Variants in PROX1 observed in about 807,000 individuals in gnomAD.
The protein encoded by PROX1 is prospero homeobox protein 1.
A neutral mutation model predicts 58.8 loss-of-function variants in PROX1; 7 were observed. The ratio of observed to expected loss-of-function variants is 0.12; its 90% confidence interval spans 0.07 to 0.22. PROX1 has a LOEUF of 0.22. PROX1 is among the 10% of genes least tolerant of loss of function. PROX1 has a pLI of 1.00. For synonymous variants in PROX1, 350 were observed against 358.3 expected, an observed-to-expected ratio of 0.98 and a Z score of 0.26; for missense variants, 675 against 927.8, an observed-to-expected ratio of 0.73 and a Z score of 3.54.
At chr1:213,989,899 A>C (rs1662960752) in intron 1 of PROX1, 1 of 152,196 alleles carries the variant, frequency 6.6e-6, no homozygotes, top group Non-Finnish European at 1.5e-5. Flanking sequence ...CTTAGTCTTA[A>C]ATAGCTCAAG....
chr1:214,015,967 G>T (rs1664080732), intron 4 of PROX1, among the ~76,000 whole-genome samples: 1 of 152,160 alleles, frequency 6.6e-6, no homozygotes, highest in African/African-American at 2.4e-5. Context: ...CAGGTTTGGG[G>T]ATGGAAGGCT....
At chr1:214,003,454 G>C (rs7517701) in intron 2 of PROX1, among the ~76,000 whole-genome samples, 41,856 of 151,938 alleles carry the variant, frequency 0.28, 5,938 homozygotes, top group Admixed American at 0.39. Context: ...TTCTGTATCA[G>C]TCTAATGGAG....
At chr1:214,000,890 C>T (rs1371089552) in intron 2 of PROX1, among the ~76,000 whole-genome samples, 8 of 152,260 alleles carry the variant, frequency 5.3e-5, no homozygotes, top group Non-Finnish European at 1.5e-5. Flanking sequence ...CTGGGAATCA[C>T]AGTGAGTGAT....
At chr1:213,991,721 T>C (rs74139073) in intron 1 of PROX1, among the ~76,000 whole-genome samples, 2,507 of 152,356 alleles carry the variant, frequency 0.016, 70 homozygotes, top group African/African-American at 0.056. Flanking sequence ...TGGCTTATTC[T>C]GTAAGTTGCC....
chr1:214,025,952 G>A (rs907157186), intron 4 of PROX1, among the ~76,000 whole-genome samples: 3 of 152,044 alleles, frequency 2.0e-5, no homozygotes, highest in Non-Finnish European at 4.4e-5. Flanking sequence ...GTGAGCCACC[G>A]CACCCGGCCA....
intron 2 of PROX1, 70 bp from the exon 3 acceptor site, chr1:214,005,095 G>T (rs1486794216): frequency 7.3e-6 from 9 of 1,229,476 alleles, no homozygotes; most frequent in Non-Finnish European, 1.1e-5. Flanking sequence ...ATGGAGGTGG[G>T]GACTGGAGGG....
chr1:214,005,071 G>C, intron 2 of PROX1, 94 bp from the exon 3 acceptor site: 1 of 922,788 alleles, frequency 1.1e-6, no homozygotes, highest in Non-Finnish European at 1.7e-6. Flanking sequence ...CAGCTTGATG[G>C]ACCCCCAGAC....
rs1329179140 is a variant in PROX1 at position 213,996,204 on chromosome 1, T to C, written c.-67-265T>C. Among the ~76,000 whole-genome samples, 5 of 152,186 alleles carry C rather than the reference T, an allele frequency of 3.3e-5. 1 individual carries two copies. The highest frequency in any genetic ancestry group is 3.3e-4 in the Admixed American group (5 of 15,284). On this transcript the variant is annotated intron_variant, in intron 1 of 4. Coordinates refer to ENST00000366958, the MANE Select transcript of PROX1 (RefSeq NM_001270616.2). ...CTTCTGAAGATAAACAGTATCATTT[T>C]AGGCATTTGTGAGAGAGAATCATAT...
At position 213,997,510 on chromosome 1, in the gene PROX1, G is replaced by A. The variant is rs779391428; in HGVS notation, c.975G>A (p.Pro325=). Reference sequence around the variant, plus strand: ...AGCAGGAAATGGCTGAAAACAAGCCGAAGCGAGAAGGCAACAACAAAGAAA... The same window carrying A: ...AGCAGGAAATGGCTGAAAACAAGCCAAAGCGAGAAGGCAACAACAAAGAAA... ...IREQEMAENK[P]KREGNNKERD... Residue 325 remains proline (P), a synonymous_variant, in exon 2 of 5, where the codon CCG becomes CCA. Coordinates refer to ENST00000366958, the MANE Select transcript of PROX1 (RefSeq NM_001270616.2). The surrounding 1 kb of genome is among the most constrained non-coding windows in gnomAD (Gnocchi z 7.1). 2 of 1,614,062 alleles carry A rather than the reference G, an allele frequency of 1.2e-6. No individual in the cohort carries two copies. Among genetic ancestry groups the A allele is most frequent in the Admixed American group, 1.7e-5 (1 of 60,002 alleles).
In PROX1 at chr1:214,005,282, T is replaced by A; in HGVS notation, c.1833+10T>A. 5 of 1,582,126 alleles carry A rather than the reference T, an allele frequency of 3.2e-6. No individual in the cohort carries two copies. The highest frequency in any genetic ancestry group is 3.5e-6 in the Non-Finnish European group (4 of 1,156,168). ...CTTCTCCGACGTAAAGGTAGGGACT[T>A]TTTTTATTCTTAATTTTTTCATTTT... On this transcript the variant is annotated intron_variant, in intron 3 of 4. Transcript: ENST00000366958.
upstream of PROX1, chr1:213,987,958 T>C (rs974399164): frequency 1.3e-5 from 2 of 151,598 alleles, no homozygotes; most frequent in Admixed American, 1.3e-4. Flanking sequence ...AATCTTGTTG[T>C]GGAGCGGAGC....
rs1455670822 is a variant in PROX1, at chr1:214,038,424, AGC to A, written c.*2591_*2592del. On this transcript the variant is annotated 3_prime_UTR_variant, in exon 5 of 5. Coordinates refer to ENST00000366958, the MANE Select transcript of PROX1 (RefSeq NM_001270616.2). Reference sequence around the variant, plus strand: ...TTTTAATCACCATCTTTCAAATCTTAGCTCAACTCTCACCAAGTGAAAATTGG... The same window carrying A: ...TTTTAATCACCATCTTTCAAATCTTATCAACTCTCACCAAGTGAAAATTGG... 1 of 151,826 alleles carries A rather than the reference AGC, an allele frequency of 6.6e-6. No homozygotes were observed. The highest frequency in any genetic ancestry group is 2.4e-5 in the African/African-American group (1 of 41,310). 9.4% of individuals were successfully genotyped at this position (151,826 alleles called of 1,614,324 possible).
chr1:214,003,976 T>TG (rs11399035), intron 2 of PROX1, among the ~76,000 whole-genome samples: 2,382 of 152,086 alleles, frequency 0.016, 22 homozygotes, highest in Middle Eastern at 0.021. Context: ...GTGAGTGTGT[T>TG]TGTGTGTGTG....
In PROX1 at chr1:214,024,727, C is replaced by T. The variant is rs574213855; in HGVS notation, c.2029-10922C>T. On this transcript the variant is annotated intron_variant, in intron 4 of 4. Coordinates refer to ENST00000366958, the MANE Select transcript of PROX1 (RefSeq NM_001270616.2). ...GTAAAGCTGTGGCAGAAAACAATCACGTAATACATTCTCGAACGAAACAGG... is the reference window on the plus strand; with the variant it reads ...GTAAAGCTGTGGCAGAAAACAATCATGTAATACATTCTCGAACGAAACAGG... 2.8e-4 allele frequency among the ~76,000 whole-genome samples: 43 copies of T among 152,274 alleles called. No individual in the cohort carries two copies. In the South Asian group the frequency reaches 9.0e-3, roughly 32 times the overall value.
At chr1:214,027,591 A>G (rs1571840499) in intron 4 of PROX1, among the ~76,000 whole-genome samples, 1 of 152,202 alleles carries the variant, frequency 6.6e-6, no homozygotes, top group Admixed American at 6.5e-5. Context: ...TATCATTTTT[A>G]AAGTATGTTT....
chr1:214,003,205 A>C (rs1663586028), intron 2 of PROX1, among the ~76,000 whole-genome samples: 1 of 152,230 alleles, frequency 6.6e-6, no homozygotes, highest in African/African-American at 2.4e-5. Flanking sequence ...ACACAGAAAA[A>C]CACTTTGTAT....
chr1:214,012,667 A>T (rs769387431), intron 4 of PROX1, among the ~76,000 whole-genome samples: 4 of 152,196 alleles, frequency 2.6e-5, no homozygotes, highest in African/African-American at 4.8e-5. Flanking sequence ...CTCCCTGATG[A>T]TGAGATCAGA....
At chr1:214,023,965 T>G (rs1036683388) in intron 4 of PROX1, among the ~76,000 whole-genome samples, 10 of 152,214 alleles carry the variant, frequency 6.6e-5, no homozygotes, top group African/African-American at 2.4e-4. Context: ...AAGGCCACTG[T>G]GTTTCCTTTC....
intron 4 of PROX1, among the ~76,000 whole-genome samples, chr1:214,022,499 T>C (rs1664315406): frequency 6.6e-6 from 1 of 152,188 alleles, no homozygotes; most frequent in African/African-American, 2.4e-5. Context: ...TTGGAACATA[T>C]ATTCAACGTA....
Sources: allele counts gnomAD v4.1 joint callset (sites outside exome capture counted in the v4.1 genomes callset), GRCh38; gene constraint gnomAD v4.1.1; non-coding constraint Gnocchi (gnomAD v3.1); transcripts MANE v1.5; gene names NCBI Gene and HGNC (gene_info 2026-07-23, HGNC 2026-07-21).